COL9A1: variants seen among roughly 807,000 people sequenced by gnomAD.
COL9A1 encodes collagen type IX alpha 1 chain.
COL9A1 carries 104 observed loss-of-function variants against 142.6 expected under a neutral mutation model. The ratio of observed to expected loss-of-function variants is 0.73; its 90% CI spans 0.62 to 0.86. The LOEUF (loss-of-function observed/expected upper bound fraction) is 0.86, where lower values mean the gene tolerates loss of function less well. COL9A1 is among the 40% of genes least tolerant of loss of function. COL9A1 has a pLI of 0.00. For missense variants in COL9A1, 1,210 were observed against 1,176.6 expected (o/e 1.03, Z -0.42); for synonymous variants, 466 against 396.0 (o/e 1.18, Z -2.10).
chr6:70,216,699 G>C lies in COL9A1; in HGVS notation c.*198C>G. 1.6e-6 allele frequency: 1 copy of C among 631,604 alleles called. No individual in the cohort carries two copies. The highest frequency in any genetic ancestry group is 2.7e-5 in the Admixed American group (1 of 37,604). 39.1% of individuals were successfully genotyped at this position (631,604 alleles called of 1,614,324 possible). ...TGACTCTGCTGTCTTCCCTCCAAGGGAAAGGAAAGAGAACTTACTGAATAG... is the reference window on the plus strand; with the variant it reads ...TGACTCTGCTGTCTTCCCTCCAAGGCAAAGGAAAGAGAACTTACTGAATAG... On this transcript the variant is annotated 3_prime_UTR_variant, in exon 38 of 38. Transcript: ENST00000357250.
At chr6:70,224,590 G>A (rs2127551682) in intron 37 of COL9A1, among the ~76,000 whole-genome samples, 1 of 152,312 alleles carries the variant, frequency 6.6e-6, no homozygotes, top group Middle Eastern at 3.4e-3. Context: ...AGATAATTAA[G>A]TAAATTGTGA....
chr6:70,252,536 A>C lies in COL9A1; in HGVS notation c.1765-221T>G, dbSNP rs1321060. On this transcript the variant is annotated intron_variant, in intron 26 of 37. Transcript: ENST00000357250. ...GTCTGGGAAATATATTAAAGGTCAA[A>C]TGTCAAACAATGAGGGGTTTTAGCC... is the stretch of plus-strand genomic sequence containing the variant. Among the ~76,000 whole-genome samples, 855 of 152,292 alleles carry C rather than the reference A, an allele frequency of 5.6e-3. 15 individuals are homozygous for C. The highest frequency in any genetic ancestry group is 0.02 in the African/African-American group (823 of 41,560).
intron 10 of COL9A1, among the ~76,000 whole-genome samples, chr6:70,279,275 G>A (rs566236278): frequency 4.6e-5 from 7 of 152,268 alleles, no homozygotes; most frequent in African/African-American, 1.7e-4. Context: ...CAAAGAGTTT[G>A]ATTGCCAACA....
At chr6:70,285,772 C>T (rs1773429165) in intron 5 of COL9A1, among the ~76,000 whole-genome samples, 1 of 152,224 alleles carries the variant, frequency 6.6e-6, no homozygotes, top group African/African-American at 2.4e-5. Flanking sequence ...AAAAGCCATC[C>T]TTCTCAACAT....
In COL9A1 at chr6:70,303,016, C is replaced by T. The variant is rs536955138; in HGVS notation, c.-92G>A. 1.3e-5 allele frequency: 17 copies of T among 1,351,966 alleles called. No homozygotes were observed. The East Asian group carries it at 3.7e-4, about 29-fold the overall frequency. 83.7% of individuals were successfully genotyped at this position (1,351,966 alleles called of 1,614,324 possible). On this transcript the variant is annotated 5_prime_UTR_variant, in exon 1 of 38. Coordinates refer to ENST00000357250, the MANE Select transcript of COL9A1 (RefSeq NM_001851.6). ...TCCCCTCACGACCCCTTCACTGTTA[C>T]CCTAGGACTATGTGTTCTGGGCCCA...
chr6:70,216,594 C>G lies in COL9A1; in HGVS notation c.*303G>C, dbSNP rs1768517828. The stretch of plus-strand genomic sequence containing the variant: ...CGATAAGACACATAGGTATAGCACA[C>G]TAAAGCTCAAGATCCTGGGAACAGG... On this transcript the variant is annotated 3_prime_UTR_variant, in exon 38 of 38. Transcript: ENST00000357250. 2.3e-6 allele frequency: 1 copy of G among 431,370 alleles called. No homozygotes were observed. The highest frequency in any genetic ancestry group is 4.3e-6 in the Non-Finnish European group (1 of 232,230). 26.7% of individuals were successfully genotyped at this position (431,370 alleles called of 1,614,324 possible).
chr6:70,270,446 A>G, intron 14 of COL9A1, 79 bp from the exon 15 acceptor site: 3 of 1,371,830 alleles, frequency 2.2e-6, no homozygotes, highest in Non-Finnish European at 3.1e-6. Context: ...GGCATAAGAG[A>G]ATGGTATTAC....
chr6:70,274,187 T>G (rs74971330), intron 11 of COL9A1, 105 bp from the exon 12 acceptor site: 4 of 788,260 alleles, frequency 5.1e-6, no homozygotes, highest in Non-Finnish European at 7.5e-6. Context: ...ATTATGGTGT[T>G]TTTTTTTTTT....
chr6:70,235,010 AACAC>A, intron 33 of COL9A1, 70 bp from the exon 34 acceptor site: 2 of 1,599,534 alleles, frequency 1.3e-6, no homozygotes, highest in Non-Finnish European at 1.7e-6. Flanking sequence ...TACTCATATA[AACAC>A]TTATATGAAA....
At position 70,255,333 on chromosome 6, in the gene COL9A1, T is replaced by C. The variant is rs779915804; in HGVS notation, c.1557+4A>G. On this transcript the variant is annotated splice_donor_region_variant and intron_variant, in intron 22 of 37. Transcript: ENST00000357250. ...AGGCTTGGAGTGACTGAATTTAAAC[T>C]CACTCTATCTCCTTTGGGACCTGCT... is the stretch of plus-strand genomic sequence containing the variant. 1.2e-6 allele frequency: 2 copies of C among 1,614,122 alleles called. No individual in the cohort carries two copies. Among genetic ancestry groups the C allele is most frequent in the South Asian group, 2.2e-5 (2 of 91,086 alleles).
chr6:70,215,770 GAA>G (rs2127543127), downstream of COL9A1: 1 of 152,242 alleles, frequency 6.6e-6, no homozygotes, highest in Admixed American at 6.5e-5. Flanking sequence ...TCTTAACCTA[GAA>G]ATAAAGCAAG....
chr6:70,237,637 A>G (rs1769997785), intron 33 of COL9A1, among the ~76,000 whole-genome samples: 1 of 152,204 alleles, frequency 6.6e-6, no homozygotes, highest in Non-Finnish European at 1.5e-5. Flanking sequence ...AATTCTTTCT[A>G]TTGAACATTA....
chr6:70,260,757 A>T (rs1771627893), intron 19 of COL9A1, 47 bp from the exon 20 acceptor site: 1 of 1,592,370 alleles, frequency 6.3e-7, no homozygotes, highest in Non-Finnish European at 8.6e-7. Context: ...TGAAGCAAAG[A>T]TTTTTAAAAA....
chr6:70,253,295 C>T, intron 26 of COL9A1, 90 bp downstream of exon 26: 1 of 911,212 alleles, frequency 1.1e-6, no homozygotes, highest in Non-Finnish European at 1.7e-6. Flanking sequence ...TAAAATAAAA[C>T]ACATGCTGAA....
At chr6:70,273,422 T>C (rs1452842857) in intron 12 of COL9A1, among the ~76,000 whole-genome samples, 1 of 152,042 alleles carries the variant, frequency 6.6e-6, no homozygotes, top group African/African-American at 2.4e-5. Context: ...AAAGTTGACA[T>C]GCTGAAATAT....
At chr6:70,225,896 C>T (rs1042464097) in intron 37 of COL9A1, 36 bp downstream of exon 37, 40 of 1,537,076 alleles carry the variant, frequency 2.6e-5, no homozygotes, top group Non-Finnish European at 3.2e-5. Context: ...CTACCAATTT[C>T]GCTACCTCCT....
At chr6:70,242,856 C>T (rs1351436414) in intron 28 of COL9A1, 141 bp from the exon 29 acceptor site, 2 of 747,944 alleles carry the variant, frequency 2.7e-6, no homozygotes, top group African/African-American at 1.7e-5. Flanking sequence ...CCTACAGCAT[C>T]CTGTGTTCAT....
At position 70,263,319 on chromosome 6, in the gene COL9A1, G is replaced by T. The variant is rs1001886036; in HGVS notation, c.1342-22C>A. 5.6e-6 allele frequency: 9 copies of T among 1,600,672 alleles called. No individual in the cohort carries two copies. In the African/African-American group the frequency reaches 1.1e-4, roughly 19 times the overall value. On this transcript the variant is annotated intron_variant, in intron 18 of 37. Transcript: ENST00000357250. ...CACCCTAAAGAAAAAAAAGAAAAAA[G>T]AAAAGCACACCAAATGTTATTCTAG...
Position 70,294,298 on chromosome 6 carries a change from T to C in COL9A1, c.565A>G (p.Arg189Gly), listed in dbSNP as rs1307291548. The change falls in exon 5 of 38, where the codon AGG becomes GGG. Residue 189 changes from arginine to glycine, a missense_variant. Coordinates refer to ENST00000357250, the MANE Select transcript of COL9A1 (RefSeq NM_001851.6). The stretch of plus-strand genomic sequence containing the variant: ...TCAACAAAAAGAGTAGCACTACTCC[T>C]CTCCACGCCAATCATGATCTTATGC... ...QWHKIMIGVE[R>G]SSATLFVDCN... 6.2e-7 allele frequency: 1 copy of C among 1,614,002 alleles called. No homozygotes were observed. The highest frequency in any genetic ancestry group is 1.7e-5 in the Admixed American group (1 of 60,004).
Sources: allele counts gnomAD v4.1 joint callset (sites outside exome capture counted in the v4.1 genomes callset), GRCh38; gene constraint gnomAD v4.1.1; transcripts MANE v1.5; gene names NCBI Gene and HGNC (gene_info 2026-07-23, HGNC 2026-07-21).